Variants in FCHSD2 observed in about 807,000 individuals in gnomAD.
FCHSD2 encodes the protein F-BAR and double SH3 domains protein 2.
FCHSD2 carries 38 observed loss-of-function variants against 108.1 expected under a neutral mutation model. The observed-to-expected ratio is 0.35, with a 90% confidence interval of 0.27 to 0.46. FCHSD2 has a LOEUF of 0.46. Among genes scored for constraint, FCHSD2 ranks in the 20% least tolerant of loss-of-function variants. The pLI is 1.00. For synonymous variants in FCHSD2, 279 were observed against 314.7 expected (o/e 0.89, Z 1.20); for missense variants, 751 against 897.8 (o/e 0.84, Z 2.09).
At chr11:73,009,987 G>A (rs924187981) in intron 4 of FCHSD2, among the ~76,000 whole-genome samples, 2 of 152,134 alleles carry the variant, frequency 1.3e-5, no homozygotes, top group Non-Finnish European at 2.9e-5. Flanking sequence ...TCATCAAATA[G>A]ATTTTTCTAA....
At chr11:72,851,557 G>A (rs546515511) in intron 13 of FCHSD2, among the ~76,000 whole-genome samples, 266 of 152,070 alleles carry the variant, frequency 1.7e-3, no homozygotes, top group Middle Eastern at 3.4e-3. Flanking sequence ...TGGCTAACAC[G>A]GTGAAACCCC....
chr11:72,953,747 A>G (rs1856659723), intron 8 of FCHSD2, among the ~76,000 whole-genome samples: 1 of 152,214 alleles, frequency 6.6e-6, no homozygotes, highest in Admixed American at 6.5e-5. Flanking sequence ...TATGTTGTGT[A>G]GTCAGGGAAG....
intron 12 of FCHSD2, among the ~76,000 whole-genome samples, chr11:72,882,008 G>A (rs754456162): frequency 6.6e-6 from 1 of 152,198 alleles, no homozygotes; most frequent in Non-Finnish European, 1.5e-5. Flanking sequence ...AGCTGGGTGT[G>A]GTGGCGGGCG....
intron 13 of FCHSD2, among the ~76,000 whole-genome samples, chr11:72,852,058 G>GT (rs1298152365): frequency 5.8e-4 from 85 of 147,494 alleles, no homozygotes; most frequent in South Asian, 1.5e-3. Flanking sequence ...TGTTTTTGGT[G>GT]TTTTTTTTTT....
At chr11:72,962,056 A>G (rs778585343) in intron 8 of FCHSD2, among the ~76,000 whole-genome samples, 1 of 152,218 alleles carries the variant, frequency 6.6e-6, no homozygotes, top group African/African-American at 2.4e-5. Context: ...CTAGATCTTC[A>G]ATTTTAGTCT....
chr11:72,840,997 T>C (rs1860911869), intron 18 of FCHSD2, 38 bp from the exon 19 acceptor site: 3 of 1,499,754 alleles, frequency 2.0e-6, no homozygotes, highest in Non-Finnish European at 2.8e-6. Flanking sequence ...TTTACTTGAG[T>C]TGTTGAGCAA....
chr11:72,954,629 A>G (rs914106512), intron 8 of FCHSD2, among the ~76,000 whole-genome samples: 4 of 152,184 alleles, frequency 2.6e-5, no homozygotes, highest in African/African-American at 9.7e-5. Flanking sequence ...CATTACTGAA[A>G]TTGGGAAGAT....
At chr11:73,070,460 G>T (rs1427157017) in intron 3 of FCHSD2, among the ~76,000 whole-genome samples, 3 of 152,110 alleles carry the variant, frequency 2.0e-5, no homozygotes, top group Non-Finnish European at 4.4e-5. Context: ...GTCTCGTTCT[G>T]TCGCCCAGGC....
At chr11:73,024,364 C>G (rs72982862) in intron 3 of FCHSD2, among the ~76,000 whole-genome samples, 3,100 of 152,056 alleles carry the variant, frequency 0.02, 37 homozygotes, top group South Asian at 0.056. Flanking sequence ...AGAAACTGTA[C>G]GACTAAAGAC....
intron 2 of FCHSD2, among the ~76,000 whole-genome samples, chr11:73,121,700 T>A (rs936044056): frequency 6.7e-6 from 1 of 149,604 alleles, no homozygotes; most frequent in African/African-American, 2.5e-5. Context: ...TAAGGTAAGG[T>A]AAGTAAACAA....
intron 10 of FCHSD2, among the ~76,000 whole-genome samples, chr11:72,895,975 G>T (rs1234882806): frequency 1.3e-5 from 2 of 152,052 alleles, no homozygotes; most frequent in African/African-American, 4.8e-5. Context: ...TACATTTCCT[G>T]CACAGTATAT....
At chr11:73,132,355 A>G (rs1861023303) in intron 2 of FCHSD2, among the ~76,000 whole-genome samples, 1 of 152,206 alleles carries the variant, frequency 6.6e-6, no homozygotes, top group South Asian at 2.1e-4. Flanking sequence ...AGAAAAGCAA[A>G]AAGGTCAATA....
intron 8 of FCHSD2, among the ~76,000 whole-genome samples, chr11:72,942,187 C>T (rs1181426999): frequency 6.6e-6 from 1 of 152,194 alleles, no homozygotes; most frequent in African/African-American, 2.4e-5. Context: ...TATAAGTTCA[C>T]ACTAGAGCTG....
At chr11:72,880,165 AG>A (rs1855054320) in intron 12 of FCHSD2, among the ~76,000 whole-genome samples, 1 of 152,154 alleles carries the variant, frequency 6.6e-6, no homozygotes, top group African/African-American at 2.4e-5. Context: ...GATCTCTACA[AG>A]GAAAACTACA....
At chr11:73,138,898 G>A (rs549753812) in intron 2 of FCHSD2, among the ~76,000 whole-genome samples, 2 of 152,296 alleles carry the variant, frequency 1.3e-5, no homozygotes, top group South Asian at 4.1e-4. Context: ...GTCAGTGACT[G>A]CGCACGGCCT....
chr11:73,048,727 G>C (rs907104459), intron 3 of FCHSD2, among the ~76,000 whole-genome samples: 1 of 152,110 alleles, frequency 6.6e-6, no homozygotes. Flanking sequence ...CATTCTACTA[G>C]TCCAAGCAAG....
intron 2 of FCHSD2, among the ~76,000 whole-genome samples, chr11:73,116,306 C>T (rs981731684): frequency 2.6e-5 from 4 of 151,844 alleles, no homozygotes; most frequent in African/African-American, 9.7e-5. Context: ...TTTTTGTTGA[C>T]GATATTTTTA....
chr11:73,028,237 G>C (rs985466439), intron 3 of FCHSD2, among the ~76,000 whole-genome samples: 1 of 152,176 alleles, frequency 6.6e-6, no homozygotes, highest in Non-Finnish European at 1.5e-5. Flanking sequence ...GCTGTACCCT[G>C]CAGAGCCACA....
intron 9 of FCHSD2, among the ~76,000 whole-genome samples, chr11:72,911,888 A>G (rs1250589442): frequency 6.6e-6 from 1 of 152,060 alleles, no homozygotes; most frequent in African/African-American, 2.4e-5. Flanking sequence ...GTTAATTCCT[A>G]TGTATTTTAA....
Sources: allele counts gnomAD v4.1 joint callset (sites outside exome capture counted in the v4.1 genomes callset), GRCh38; gene constraint gnomAD v4.1.1; transcripts MANE v1.5; gene names NCBI Gene and HGNC (gene_info 2026-07-23, HGNC 2026-07-21).